MEF2A: variants seen among roughly 807,000 people sequenced by gnomAD.
MEF2A encodes the protein myocyte-specific enhancer factor 2A.
A neutral mutation model predicts 55.8 loss-of-function variants in MEF2A; 28 were observed. The ratio of observed to expected loss-of-function variants is 0.50; its 90% confidence interval spans 0.37 to 0.69. MEF2A has a LOEUF of 0.69. Among genes scored for constraint, MEF2A ranks in the 30% least tolerant of loss-of-function variants. The probability of loss-of-function intolerance (pLI) is 0.00; values close to 1 mark genes in which losing one functional copy is unlikely to be tolerated. For missense variants in MEF2A, 528 were observed against 626.2 expected (o/e 0.84, Z 1.67); for synonymous variants, 239 against 227.1 (o/e 1.05, Z -0.47).
chr15:99,638,324 C>A (rs1439431508), intron 3 of MEF2A, among the ~76,000 whole-genome samples: 1 of 151,580 alleles, frequency 6.6e-6, no homozygotes, highest in Admixed American at 6.6e-5. Flanking sequence ...TTTGCTTTTC[C>A]TTTGTTAATA....
intron 3 of MEF2A, 54 bp from the exon 4 acceptor site, chr15:99,645,507 A>G: frequency 7.8e-7 from 1 of 1,290,192 alleles, no homozygotes; most frequent in Non-Finnish European, 1.1e-6. Context: ...CAGATAGCCC[A>G]TATTCAAGTA....
intron 8 of MEF2A, among the ~76,000 whole-genome samples, chr15:99,702,898 T>G (rs1255939853): frequency 1.3e-5 from 2 of 152,230 alleles, no homozygotes; most frequent in African/African-American, 2.4e-5. Flanking sequence ...AAATAAAACA[T>G]ACAGCAGTTT....
intron 2 of MEF2A, among the ~76,000 whole-genome samples, chr15:99,619,370 C>T (rs978509029): frequency 6.6e-5 from 10 of 152,174 alleles, no homozygotes; most frequent in Non-Finnish European, 1.3e-4. Flanking sequence ...ATACCACAGA[C>T]CTGAGTTGTC....
chr15:99,670,146 A>G (rs939802091), intron 4 of MEF2A, among the ~76,000 whole-genome samples: 3 of 152,212 alleles, frequency 2.0e-5, no homozygotes, highest in African/African-American at 4.8e-5. Flanking sequence ...AATATTCCAT[A>G]TATCTTCAAG....
intron 10 of MEF2A, among the ~76,000 whole-genome samples, chr15:99,707,148 G>A (rs959221135): frequency 2.6e-5 from 4 of 152,190 alleles, no homozygotes; most frequent in Non-Finnish European, 5.9e-5. Flanking sequence ...ATCAAGCCAA[G>A]AGGGGAGCAG....
intron 2 of MEF2A, among the ~76,000 whole-genome samples, chr15:99,601,638 A>G (rs1973030793): frequency 1.3e-5 from 2 of 150,434 alleles, no homozygotes; most frequent in Non-Finnish European, 2.9e-5. Flanking sequence ...AGTTACATTG[A>G]TTGATTTTAA....
At position 99,645,545 on chromosome 15, in the gene MEF2A, C is replaced by G; in HGVS notation, c.55-16C>G. Reference sequence around the variant, plus strand: ...ACTAATGCTTTTAATAAAAATATACCTTTTTTATTGTTTAGGTCACTTTTA... The same window carrying G: ...ACTAATGCTTTTAATAAAAATATACGTTTTTTATTGTTTAGGTCACTTTTA... On this transcript the variant is annotated splice_polypyrimidine_tract_variant and intron_variant, in intron 3 of 11. Transcript: ENST00000557942. 6.4e-7 allele frequency: 1 copy of G among 1,569,480 alleles called. No individual in the cohort carries two copies.
Position 99,633,128 on chromosome 15 carries a change from G to T in MEF2A, c.9G>T (p.Arg3=), listed in dbSNP as rs1360753639. 4 of 1,599,106 alleles carry T rather than the reference G, an allele frequency of 2.5e-6. No individual in the cohort carries two copies. The highest frequency in any genetic ancestry group is 2.7e-5 in the African/African-American group (2 of 74,024). The change falls in exon 3 of 12, where the codon CGG becomes CGT. Residue 3 remains arginine, a synonymous_variant. Coordinates refer to ENST00000557942, the MANE Select transcript of MEF2A (RefSeq NM_001319206.4). ...AGGAAAGTTGACTGAAAATGGGGCGGAAGAAAATACAAATCACACGCATAA... is the reference window on the plus strand; with the variant it reads ...AGGAAAGTTGACTGAAAATGGGGCGTAAGAAAATACAAATCACACGCATAA... The part of the protein sequence containing the change: MG[R]KKIQITRIMD...
chr15:99,683,171 C>T (rs2053558374), intron 7 of MEF2A, among the ~76,000 whole-genome samples: 1 of 152,140 alleles, frequency 6.6e-6, no homozygotes, highest in Admixed American at 6.5e-5. Flanking sequence ...TAACAGGATG[C>T]AGGAAATTAC....
At chr15:99,693,985 A>G (rs148283146) in intron 8 of MEF2A, among the ~76,000 whole-genome samples, 52 of 152,336 alleles carry the variant, frequency 3.4e-4, no homozygotes, top group Middle Eastern at 3.4e-3. Flanking sequence ...TGTCACAACT[A>G]TTGAACCACT....
intron 3 of MEF2A, among the ~76,000 whole-genome samples, chr15:99,633,981 T>C (rs543423032): frequency 2.0e-5 from 3 of 152,336 alleles, no homozygotes; most frequent in African/African-American, 7.2e-5. Context: ...CTGACACTTT[T>C]AGAAAAAGTT....
chr15:99,648,903 G>C (rs188273028), intron 4 of MEF2A, among the ~76,000 whole-genome samples: 105 of 152,286 alleles, frequency 6.9e-4, no homozygotes, highest in African/African-American at 2.5e-3. Flanking sequence ...TGGGAGTACT[G>C]TAAGATTAAT....
chr15:99,681,345 A>G (rs2153678636), intron 7 of MEF2A, among the ~76,000 whole-genome samples: 1 of 152,190 alleles, frequency 6.6e-6, no homozygotes, highest in East Asian at 1.9e-4. Flanking sequence ...TGGGGATGGG[A>G]TGGCGGAGGA....
chr15:99,667,770 C>G (rs1046321752), intron 4 of MEF2A, among the ~76,000 whole-genome samples: 1 of 152,076 alleles, frequency 6.6e-6, no homozygotes, highest in Non-Finnish European at 1.5e-5. Context: ...TCTACAAACA[C>G]AAATTATTTG....
chr15:99,702,666 A>C (rs2057554402), intron 8 of MEF2A, among the ~76,000 whole-genome samples: 1 of 152,056 alleles, frequency 6.6e-6, no homozygotes, highest in South Asian at 2.1e-4. Context: ...GACGTGAGCC[A>C]CCGTGCCCAG....
intron 7 of MEF2A, among the ~76,000 whole-genome samples, chr15:99,687,159 C>G (rs1329466850): frequency 7.5e-6 from 1 of 132,734 alleles, no homozygotes; most frequent in Non-Finnish European, 1.5e-5. Context: ...GAACTGGGCT[C>G]AAGCGATCTG....
intron 5 of MEF2A, among the ~76,000 whole-genome samples, chr15:99,672,054 CAT>C (rs1396950167): frequency 6.6e-6 from 1 of 152,140 alleles, no homozygotes; most frequent in Non-Finnish European, 1.5e-5. Flanking sequence ...GACTTAAAAA[CAT>C]ATGTGTTCTT....
chr15:99,689,533 T>A (rs1386168535), intron 7 of MEF2A, among the ~76,000 whole-genome samples: 1 of 152,222 alleles, frequency 6.6e-6, no homozygotes, highest in Non-Finnish European at 1.5e-5. Flanking sequence ...CACGCTGTAG[T>A]GCAGGGGCAT....
At chr15:99,591,075 A>G (rs1441130980) in intron 1 of MEF2A, among the ~76,000 whole-genome samples, 1 of 152,116 alleles carries the variant, frequency 6.6e-6, no homozygotes, top group Non-Finnish European at 1.5e-5. Flanking sequence ...TTGGTGTGGT[A>G]CATTTGTTAC....
Sources: gnomAD v4.1 joint callset for allele counts (sites outside exome capture counted in the v4.1 genomes callset) on GRCh38, gnomAD v4.1.1 for gene constraint, MANE v1.5 for transcripts, NCBI Gene and HGNC (gene_info 2026-07-23, HGNC 2026-07-21) for gene names.